The following PAH variants were observed in gnomAD, a reference collection of about 807,000 sequenced individuals.
PAH encodes the protein phenylalanine-4-hydroxylase.
PAH carries 64 observed loss-of-function variants against 62.0 expected under a neutral mutation model. The observed-to-expected ratio is 1.03, with a 90% CI of 0.84 to 1.27. PAH has a LOEUF of 1.27. Ranked by LOEUF, PAH falls within the 50% of genes most tolerant of loss-of-function variation. The pLI is 0.00. For missense variants in PAH, 579 were observed against 542.8 expected, an observed-to-expected ratio of 1.07 and a Z score of -0.66; for synonymous variants, 195 against 196.2, an observed-to-expected ratio of 0.99 and a Z score of 0.05.
rs199475618 is a variant in PAH, at chr12:102,846,894, CTGT to C, written c.967_969del (p.Thr323del). On this transcript the variant is annotated inframe_deletion and splice_region_variant, in exon 9 of 13. Transcript: ENST00000553106. ...TCCACCCAGGGAGAGAAGGGACTTA[CTGT>C]GGCGAGCTTTTCAATGTATTCATCA... 5 of 1,612,988 alleles carry C rather than the reference CTGT, an allele frequency of 3.1e-6. No individual in the cohort carries two copies.
intron 8 of PAH, among the ~76,000 whole-genome samples, chr12:102,849,385 G>A (rs938074836): frequency 3.3e-5 from 5 of 151,986 alleles, no homozygotes; most frequent in Non-Finnish European, 5.9e-5. Context: ...ATGTTGAATA[G>A]GCAATTCAAT....
At chr12:102,912,248 A>G (rs886282477) in intron 2 of PAH, among the ~76,000 whole-genome samples, 2 of 152,188 alleles carry the variant, frequency 1.3e-5, no homozygotes, top group Non-Finnish European at 2.9e-5. Flanking sequence ...ATCATAAGAC[A>G]TTTACCAATG....
chr12:102,878,794 G>T (rs1876686589), intron 3 of PAH, among the ~76,000 whole-genome samples: 1 of 152,152 alleles, frequency 6.6e-6, no homozygotes, highest in African/African-American at 2.4e-5. Flanking sequence ...ACCATCCAGA[G>T]TGCCTGCTTT....
At chr12:102,877,265 C>T (rs1195093084) in intron 4 of PAH, 197 bp downstream of exon 4, 2 of 632,420 alleles carry the variant, frequency 3.2e-6, no homozygotes. Context: ...TTTGCTCCTA[C>T]AAAAATAATG....
intron 1 of PAH, among the ~76,000 whole-genome samples, chr12:102,948,417 G>A (rs886122935): frequency 1.3e-5 from 2 of 152,188 alleles, no homozygotes; most frequent in Non-Finnish European, 2.9e-5. Context: ...CTTGCAAGGG[G>A]TGGCTGAAGA....
intron 2 of PAH, among the ~76,000 whole-genome samples, chr12:102,912,040 C>G (rs1878220687): frequency 6.6e-6 from 1 of 152,344 alleles, no homozygotes; most frequent in South Asian, 2.1e-4. Context: ...TTCCTAAACT[C>G]TGTTCCCAGA....
At chr12:102,925,578 A>G (rs1878662143) in intron 1 of PAH, among the ~76,000 whole-genome samples, 1 of 152,192 alleles carries the variant, frequency 6.6e-6, no homozygotes, top group African/African-American at 2.4e-5. Flanking sequence ...ATCAGACTTC[A>G]GAGAAAAATG....
At chr12:102,863,711 G>A (rs1875829618) in intron 5 of PAH, among the ~76,000 whole-genome samples, 1 of 152,150 alleles carries the variant, frequency 6.6e-6, no homozygotes, top group African/African-American at 2.4e-5. Flanking sequence ...TAGAGTCAGA[G>A]AGGCAAATAA....
At position 102,840,489 on chromosome 12, in the gene PAH, G is replaced by A; in HGVS notation, c.1226C>T (p.Pro409Leu). 6.2e-7 allele frequency: 1 copy of A among 1,613,796 alleles called. No individual in the cohort carries two copies. Among genetic ancestry groups the A allele is most frequent in the Non-Finnish European group, 8.5e-7 (1 of 1,179,792 alleles). ...GTATGGGTCGTAGCGAACTGAGAAGGGCCGAGGTATTGTGGCAGCAAAGTT... is the reference window on the plus strand; with the variant it reads ...GTATGGGTCGTAGCGAACTGAGAAGAGCCGAGGTATTGTGGCAGCAAAGTT... ...VRNFAATIPR[P>L]FSVRYDPYTQ... The change falls in exon 12 of 13, where the codon CCC becomes CTC. Residue 409 changes from proline to leucine, a missense_variant. Transcript: ENST00000553106.
Position 102,839,224 on chromosome 12 carries a change from A to T in PAH, c.1316-6T>A. On this transcript the variant is annotated splice_region_variant and splice_polypyrimidine_tract_variant and intron_variant, in intron 12 of 12. Coordinates refer to ENST00000553106, the MANE Select transcript of PAH (RefSeq NM_000277.3). ...GCAAAGGATTCCAATTTCACCTACA[A>T]AGAAAAACACCATCAAAATGGGCCA... The T allele has an allele frequency of 6.2e-7, 1 of 1,613,730 alleles. No individual in the cohort carries two copies. Among genetic ancestry groups the T allele is most frequent in the Non-Finnish European group, 8.5e-7 (1 of 1,179,696 alleles).
Position 102,868,082 on chromosome 12 carries a change from G to A in PAH, c.442-1419C>T, listed in dbSNP as rs536379045. On this transcript the variant is annotated intron_variant, in intron 4 of 12. Coordinates refer to ENST00000553106, the MANE Select transcript of PAH (RefSeq NM_000277.3). ...TATACACATATATATACATATATGT[G>A]TGTGTGTATATATATATATATACAC... Among the ~76,000 whole-genome samples the A allele has an allele frequency of 1.0e-3, 50 of 49,164 alleles. 8 individuals are homozygous for A. The highest frequency in any genetic ancestry group is 4.3e-3 in the African/African-American group (45 of 10,406). The allele number at this position is 49,164 out of a possible 152,430, so 32.3% of individuals were successfully genotyped here. A position where few individuals can be genotyped will look rare whatever the true frequency, so the allele number is the denominator to read the frequency against.
intron 1 of PAH, among the ~76,000 whole-genome samples, chr12:102,929,842 C>A (rs897337415): frequency 8.5e-5 from 13 of 152,092 alleles, no homozygotes; most frequent in African/African-American, 3.1e-4. Context: ...AAAGATGACT[C>A]TTAGGCTGCT....
At chr12:102,913,830 G>A (rs1436755437) in intron 1 of PAH, 1 of 702,048 alleles carries the variant, frequency 1.4e-6, no homozygotes, top group East Asian at 2.7e-5. Flanking sequence ...AACCAAGGTT[G>A]GGGTTAGGGC....
intron 1 of PAH, among the ~76,000 whole-genome samples, chr12:102,942,049 A>G (rs1049910211): frequency 6.6e-6 from 1 of 152,232 alleles, no homozygotes; most frequent in Admixed American, 6.5e-5. Flanking sequence ...CCTATTCAAC[A>G]TCGTACTAGA....
chr12:102,913,362 A>G (rs899981228), intron 1 of PAH, among the ~76,000 whole-genome samples: 2 of 152,232 alleles, frequency 1.3e-5, no homozygotes, highest in African/African-American at 2.4e-5. Flanking sequence ...ATTGAGAAAT[A>G]CAGTGTGGAA....
intron 5 of PAH, among the ~76,000 whole-genome samples, chr12:102,857,735 G>C (rs1187634577): frequency 6.6e-6 from 1 of 152,152 alleles, no homozygotes; most frequent in Non-Finnish European, 1.5e-5. Flanking sequence ...AGCTTCATAA[G>C]TGAAGGAGAA....
intron 2 of PAH, among the ~76,000 whole-genome samples, chr12:102,906,742 G>A (rs1877991859): frequency 6.6e-6 from 1 of 152,082 alleles, no homozygotes; most frequent in Non-Finnish European, 1.5e-5. Context: ...AAGCAGATAC[G>A]ATTACTATTT....
intron 1 of PAH, among the ~76,000 whole-genome samples, chr12:102,932,384 T>C (rs1044113020): frequency 1.3e-5 from 2 of 152,162 alleles, no homozygotes; most frequent in Non-Finnish European, 2.9e-5. Flanking sequence ...TGCTATTCAA[T>C]AAATAAGCAC....
Position 102,859,926 on chromosome 12 carries a change from G to A in PAH, c.510-4594C>T, listed in dbSNP as rs546125037. On this transcript the variant is annotated intron_variant, in intron 5 of 12. Transcript: ENST00000553106. ...CCCTTTGAAACCTGGCACAAGACAG[G>A]GATGCCCTCTCTCACTACTCCTATT... 5.3e-5 allele frequency among the ~76,000 whole-genome samples: 8 copies of A among 152,278 alleles called. No homozygotes were observed. The South Asian group carries it at 1.7e-3, about 32-fold the overall frequency.
Sources: gnomAD v4.1 joint callset for allele counts (sites outside exome capture counted in the v4.1 genomes callset) on GRCh38, gnomAD v4.1.1 for gene constraint, MANE v1.5 for transcripts, NCBI Gene and HGNC (gene_info 2026-07-23, HGNC 2026-07-21) for gene names.